Variants in CAMTA1 observed in about 807,000 individuals in gnomAD.
CAMTA1 encodes calmodulin binding transcription activator 1.
Under a neutral mutation model 170.9 loss-of-function variants are expected in CAMTA1, and 27 were observed. That is an observed-to-expected ratio of 0.16 (90% confidence interval 0.12 to 0.22). CAMTA1 has a LOEUF of 0.22. Ranked by LOEUF, CAMTA1 falls within the 10% of genes least tolerant of loss-of-function variation. The pLI, the probability that CAMTA1 is intolerant of heterozygous loss-of-function variation, is 1.00. For synonymous variants in CAMTA1, 833 were observed against 891.5 expected, an observed-to-expected ratio of 0.93 and a Z score of 1.17; for missense variants, 1,619 against 2,217.2, an observed-to-expected ratio of 0.73 and a Z score of 5.42.
rs571814078 is a variant in CAMTA1 at position 6,971,247 on chromosome 1, G to A, written c.235-120057G>A. 1.2e-4 allele frequency among the ~76,000 whole-genome samples: 19 copies of A among 152,304 alleles called. No individual in the cohort carries two copies. Among genetic ancestry groups the A allele is most frequent in the African/African-American group, 4.1e-4 (17 of 41,560 alleles). On this transcript the variant is annotated intron_variant, in intron 3 of 22. Transcript: ENST00000303635. The surrounding 1 kb of genome is among the most constrained non-coding windows in gnomAD (Gnocchi z 4.6). ...CCCCACTCCTGATGAGTAATTACAC[G>A]TGGCTGTCTGGGAGTGGGAGTATTT...
chr1:7,197,679 A>ACACTG (rs1573827133), intron 4 of CAMTA1, among the ~76,000 whole-genome samples: 1 of 48,234 alleles, frequency 2.1e-5, no homozygotes, highest in Non-Finnish European at 5.1e-5. Context: ...CACACACACA[A>ACACTG]TCTACTTGCT....
At chr1:7,100,808 C>T (rs981113002) in intron 4 of CAMTA1, among the ~76,000 whole-genome samples, 7 of 152,230 alleles carry the variant, frequency 4.6e-5, no homozygotes, top group African/African-American at 1.7e-4. Context: ...CGGCCAGGGC[C>T]ATCCACTATG....
In CAMTA1 at chr1:7,050,258, C is replaced by T. The variant is rs1436061375; in HGVS notation, c.235-41046C>T. Among the ~76,000 whole-genome samples the T allele has an allele frequency of 6.6e-6, 1 of 152,152 alleles. No homozygotes were observed. The highest frequency in any genetic ancestry group is 2.4e-5 in the African/African-American group (1 of 41,426). ...TGGTGAAGGGCTGGGGGTAGGACCACAGCCTCCTTGTCTTGCCTTCCTGGG... is the reference window on the plus strand; with the variant it reads ...TGGTGAAGGGCTGGGGGTAGGACCATAGCCTCCTTGTCTTGCCTTCCTGGG... On this transcript the variant is annotated intron_variant, in intron 3 of 22. Transcript: ENST00000303635. The surrounding 1 kb of genome is among the most constrained non-coding windows in gnomAD (Gnocchi z 4.8).
At chr1:7,306,003 G>A (rs1675534022) in intron 5 of CAMTA1, among the ~76,000 whole-genome samples, 1 of 151,892 alleles carries the variant, frequency 6.6e-6, no homozygotes, top group Non-Finnish European at 1.5e-5. Context: ...ATTATTTATT[G>A]GGTTGTTTGT....
chr1:6,988,631 C>G (rs1474504992), intron 3 of CAMTA1, among the ~76,000 whole-genome samples: 1 of 149,998 alleles, frequency 6.7e-6, no homozygotes, highest in East Asian at 2.0e-4. Flanking sequence ...CGGCAGTTGG[C>G]TTTCTCCATC....
chr1:7,644,110 C>T (rs1446570454), intron 7 of CAMTA1, among the ~76,000 whole-genome samples: 1 of 152,216 alleles, frequency 6.6e-6, no homozygotes, highest in Non-Finnish European at 1.5e-5. Context: ...ATCACAATGT[C>T]GTGCTCCCCA....
At position 7,731,355 on chromosome 1, in the gene CAMTA1, C is replaced by T. The variant is rs111972479; in HGVS notation, c.2915-1093C>T. Among the ~76,000 whole-genome samples the T allele has an allele frequency of 6.1e-4, 92 of 151,830 alleles. 1 individual carries two copies. The Middle Eastern group carries it at 0.01, about 17-fold the overall frequency. On this transcript the variant is annotated intron_variant, in intron 11 of 22. Transcript: ENST00000303635. ...TTGGGAGGCCGAGGTGGGCAGATCACGAGGTCAGGAGTTCAAGACCAGCCT... is the reference window on the plus strand; with the variant it reads ...TTGGGAGGCCGAGGTGGGCAGATCATGAGGTCAGGAGTTCAAGACCAGCCT...
chr1:7,219,433 G>A (rs544614592), intron 4 of CAMTA1: 12 of 151,100 alleles, frequency 7.9e-5, no homozygotes, highest in South Asian at 4.2e-4. Flanking sequence ...TCCATTGTGC[G>A]CCAGATGTGT....
chr1:7,106,613 C>T (rs902850324), intron 4 of CAMTA1, among the ~76,000 whole-genome samples: 6 of 151,910 alleles, frequency 3.9e-5, no homozygotes, highest in South Asian at 2.1e-4. Context: ...AATTTTTAAC[C>T]GCCCCCGAGT....
intron 7 of CAMTA1, among the ~76,000 whole-genome samples, chr1:7,661,130 G>A (rs1356449747): frequency 6.6e-6 from 1 of 152,194 alleles, no homozygotes; most frequent in Non-Finnish European, 1.5e-5. Flanking sequence ...CAGGCCACGT[G>A]GGCCCTTCAG....
intron 11 of CAMTA1, among the ~76,000 whole-genome samples, chr1:7,703,938 T>C (rs1201536408): frequency 7.2e-5 from 11 of 151,936 alleles, no homozygotes; most frequent in African/African-American, 1.9e-4. Context: ...ACGCGGAGGT[T>C]AGACCCAAAG....
chr1:7,459,734 G>C (rs2093038970), intron 5 of CAMTA1, among the ~76,000 whole-genome samples: 1 of 152,216 alleles, frequency 6.6e-6, no homozygotes, highest in African/African-American at 2.4e-5. Context: ...CCCTGGTGCT[G>C]TCACCCCAAA....
At chr1:6,894,220 G>A (rs1379958613) in intron 3 of CAMTA1, among the ~76,000 whole-genome samples, 1 of 152,222 alleles carries the variant, frequency 6.6e-6, no homozygotes, top group East Asian at 1.9e-4. Context: ...TGCATTTTAG[G>A]TTCAATTTTA....
At chr1:6,933,850 C>T (rs554752834) in intron 3 of CAMTA1, among the ~76,000 whole-genome samples, 3 of 152,284 alleles carry the variant, frequency 2.0e-5, no homozygotes, top group Non-Finnish European at 2.9e-5. Flanking sequence ...AGCCAATACC[C>T]CACTGTCTTG....
chr1:7,586,175 C>T (rs562745969), intron 6 of CAMTA1, among the ~76,000 whole-genome samples: 8 of 152,214 alleles, frequency 5.3e-5, no homozygotes, highest in African/African-American at 1.2e-4. Flanking sequence ...CTCAGGGCCC[C>T]GGGCACCCTC....
chr1:7,653,127 G>T (rs141021850), intron 7 of CAMTA1, among the ~76,000 whole-genome samples: 8 of 152,128 alleles, frequency 5.3e-5, no homozygotes, highest in Non-Finnish European at 7.4e-5. Flanking sequence ...GAGAATGTGC[G>T]TTTCTAACAA....
At chr1:7,225,527 G>T (rs1000352922) in intron 4 of CAMTA1, among the ~76,000 whole-genome samples, 2 of 152,214 alleles carry the variant, frequency 1.3e-5, no homozygotes, top group Non-Finnish European at 2.9e-5. Flanking sequence ...TCCCTTTCCT[G>T]GGGTTGTGGG....
intron 7 of CAMTA1, among the ~76,000 whole-genome samples, chr1:7,660,377 AT>A (rs888098924): frequency 6.6e-6 from 1 of 151,740 alleles, no homozygotes; most frequent in African/African-American, 2.4e-5. Context: ...TCTACAAATA[AT>A]TTTTTTTTAA....
At chr1:7,201,790 G>A (rs1656751382) in intron 4 of CAMTA1, among the ~76,000 whole-genome samples, 1 of 152,074 alleles carries the variant, frequency 6.6e-6, no homozygotes, top group South Asian at 2.1e-4. Context: ...CTAGACATAA[G>A]TTCTTTATCA....
Sources: allele counts gnomAD v4.1 joint callset (sites outside exome capture counted in the v4.1 genomes callset), GRCh38; gene constraint gnomAD v4.1.1; non-coding constraint Gnocchi (gnomAD v3.1); transcripts MANE v1.5; gene names NCBI Gene and HGNC (gene_info 2026-07-23, HGNC 2026-07-21).